ADCY7: variants seen among roughly 807,000 people sequenced by gnomAD.
ADCY7 encodes the protein adenylate cyclase 7, also known as adenylate cyclase type 7.
A neutral mutation model predicts 120.6 loss-of-function variants in ADCY7; 72 were observed. The observed-to-expected ratio is 0.60, with a 90% CI of 0.49 to 0.73. The LOEUF (loss-of-function observed/expected upper bound fraction) is 0.73. ADCY7 is among the 30% of genes least tolerant of loss of function. The pLI is 0.00. For synonymous variants in ADCY7, 661 were observed against 628.0 expected (o/e 1.05, Z -0.78); for missense variants, 1,227 against 1,486.0 (o/e 0.83, Z 2.87).
At chr16:50,302,465 T>C (rs1179625576) in intron 10 of ADCY7, among the ~76,000 whole-genome samples, 1 of 152,210 alleles carries the variant, frequency 6.6e-6, no homozygotes, top group African/African-American at 2.4e-5. Context: ...CTGGGCCGAC[T>C]TGAATTTCAG....
intron 7 of ADCY7, among the ~76,000 whole-genome samples, chr16:50,295,372 T>TC (rs1208398842): frequency 7.4e-6 from 1 of 134,928 alleles, no homozygotes; most frequent in African/African-American, 2.8e-5. Context: ...TTTTTTTTTT[T>TC]TTTGTAGCAA....
intron 1 of ADCY7, among the ~76,000 whole-genome samples, chr16:50,249,696 G>A (rs540462026): frequency 6.6e-6 from 1 of 152,344 alleles, no homozygotes; most frequent in South Asian, 2.1e-4. Context: ...GCCAGGAGGT[G>A]GGGAGGCTCC....
At chr16:50,303,097 G>T (rs937845205) in intron 10 of ADCY7, among the ~76,000 whole-genome samples, 3 of 152,134 alleles carry the variant, frequency 2.0e-5, no homozygotes, top group African/African-American at 7.2e-5. Context: ...AGGGGGCTGG[G>T]GTGTCTGGAT....
At position 50,301,126 on chromosome 16, in the gene ADCY7, C is replaced by A; in HGVS notation, c.1280C>A (p.Ala427Glu). The change falls in exon 10 of 26, where the codon GCG becomes GAG. Residue 427 changes from alanine (A) to glutamate (E), a missense_variant. Coordinates refer to ENST00000673801, the MANE Select transcript of ADCY7 (RefSeq NM_001114.5). ...TEATLKHLDK[A>E]YEVEDGHGQQ... ...GCCACGCTAAAGCACCTGGACAAGG[C>A]GTACGAGGTGGAGGATGGGCACGGG... 1 of 1,613,946 alleles carries A rather than the reference C, an allele frequency of 6.2e-7. No individual in the cohort carries two copies. Among genetic ancestry groups the A allele is most frequent in the Non-Finnish European group, 8.5e-7 (1 of 1,179,932 alleles).
intron 1 of ADCY7, among the ~76,000 whole-genome samples, chr16:50,247,258 G>A (rs1431168686): frequency 1.3e-5 from 2 of 150,674 alleles, no homozygotes; most frequent in Admixed American, 1.3e-4. Context: ...CTGTGGGGAG[G>A]GGTCAGACTC....
rs188560496 is a variant in ADCY7, at chr16:50,310,993, G to A, written c.2354+113G>A. 5.6e-4 allele frequency: 628 copies of A among 1,118,998 alleles called. 1 individual carries two copies. In the African/African-American group the frequency reaches 8.3e-3, roughly 15 times the overall value. The allele number at this position is 1,118,998 out of a possible 1,614,324, so 69.3% of individuals were successfully genotyped here. ...ATGGGGAGTGGGCACCTTGCAGGGC[G>A]GGGCTGGCAGATGGTGTCCAGCGCT... On this transcript the variant is annotated intron_variant, in intron 19 of 25. Transcript: ENST00000673801.
At chr16:50,290,321 C>A (rs970271259) in intron 2 of ADCY7, 136 bp from the exon 3 acceptor site, 1 of 894,716 alleles carries the variant, frequency 1.1e-6, no homozygotes, top group Non-Finnish European at 1.7e-6. Flanking sequence ...GAGTGGGAAC[C>A]AGGTGTGGGA....
rs1300955875 is a variant in ADCY7, at chr16:50,312,898, C to G, written c.2613C>G (p.Tyr871Ter). 2 of 1,614,126 alleles carry G rather than the reference C, an allele frequency of 1.2e-6. No homozygotes were observed. Among genetic ancestry groups the G allele is most frequent in the South Asian group, 2.2e-5 (2 of 91,080 alleles). ...FIGDKLNEDW[Y>*]HQSYDCVCVM... ...GGTTTCTTCCCATCCAGGACTGGTA[C>G]CATCAGTCCTATGACTGCGTCTGTG... The change falls in exon 22 of 26, where the codon TAC becomes TAG. Residue 871 changes from tyrosine (Y) to a stop codon, truncating the protein, a stop_gained. Transcript: ENST00000673801. LOFTEE classifies it high-confidence loss of function.
chr16:50,295,890 C>T (rs1170537613), intron 7 of ADCY7, among the ~76,000 whole-genome samples: 1 of 152,138 alleles, frequency 6.6e-6, no homozygotes, highest in East Asian at 1.9e-4. Flanking sequence ...GAGCACCTAG[C>T]CCAGCCTCAG....
intron 1 of ADCY7, among the ~76,000 whole-genome samples, chr16:50,256,896 C>T (rs1407288655): frequency 2.0e-5 from 3 of 152,038 alleles, no homozygotes; most frequent in Non-Finnish European, 1.5e-5. Context: ...CAGCATTATT[C>T]ATAATAGCCA....
chr16:50,301,331 C>T (rs1230857475), intron 10 of ADCY7, 117 bp downstream of exon 10: 2 of 1,370,750 alleles, frequency 1.5e-6, no homozygotes, highest in South Asian at 1.5e-5. Flanking sequence ...GGGGAAGGGC[C>T]CTGCCTGGGC....
At chr16:50,293,779 A>G (rs755802673) in intron 6 of ADCY7, among the ~76,000 whole-genome samples, 6 of 152,204 alleles carry the variant, frequency 3.9e-5, no homozygotes, top group Non-Finnish European at 8.8e-5. Flanking sequence ...GTGAGCAAAC[A>G]TAGCTTTTGT....
chr16:50,315,313 G>A (rs2036748796), intron 25 of ADCY7, 46 bp from the exon 26 acceptor site: 1 of 1,589,518 alleles, frequency 6.3e-7, no homozygotes, highest in East Asian at 2.3e-5. Flanking sequence ...ACCATGACAG[G>A]TGTTCTTCCC....
At position 50,301,105 on chromosome 16, in the gene ADCY7, C is replaced by A; in HGVS notation, c.1259C>A (p.Thr420Lys). The A allele has an allele frequency of 1.2e-6, 2 of 1,613,886 alleles. No homozygotes were observed. Among genetic ancestry groups the A allele is most frequent in the Non-Finnish European group, 1.7e-6 (2 of 1,179,908 alleles). The change falls in exon 10 of 26, where the codon ACG becomes AAG. Residue 420 changes from threonine (T) to lysine (K), a missense_variant. Physicochemically the swap from Thr to Lys is moderately conservative, Grantham distance 78 (BLOSUM62 -1). Around this residue, in one of 5 missense-constraint regions of ADCY7, gnomAD observed 332 missense variants for 455.8 expected, o/e 0.73. Coordinates refer to ENST00000673801, the MANE Select transcript of ADCY7 (RefSeq NM_001114.5). ...VPGRVHITEA[T>K]LKHLDKAYEV... ...AGCCGGGTGCACATCACGGAGGCCACGCTAAAGCACCTGGACAAGGCGTAC... is the reference window on the plus strand; with the variant it reads ...AGCCGGGTGCACATCACGGAGGCCAAGCTAAAGCACCTGGACAAGGCGTAC...
chr16:50,309,271 T>G, intron 17 of ADCY7: 1 of 443,462 alleles, frequency 2.3e-6, no homozygotes, highest in Non-Finnish European at 4.0e-6. Flanking sequence ...TCCCTCAGGG[T>G]CACCTGGGGA....
chr16:50,280,943 GGGAACAAAGTCA>G (rs2034219852), intron 1 of ADCY7, among the ~76,000 whole-genome samples: 1 of 152,204 alleles, frequency 6.6e-6, no homozygotes, highest in African/African-American at 2.4e-5. Flanking sequence ...CCCTGGGAGT[GGGAACAAAGTCA>G]GCCTGGGGGT....
upstream of ADCY7, among the ~76,000 whole-genome samples, chr16:50,264,793 A>G (rs2033148943): frequency 2.1e-5 from 3 of 145,488 alleles, no homozygotes; most frequent in Admixed American, 6.8e-5. Flanking sequence ...TCATCTTTTA[A>G]TTGGGCCATT....
intron 1 of ADCY7, among the ~76,000 whole-genome samples, chr16:50,286,316 C>T (rs1435532695): frequency 1.3e-5 from 2 of 148,844 alleles, no homozygotes; most frequent in Non-Finnish European, 3.0e-5. Context: ...GAGGTCCCAG[C>T]TACGCAGGAG....
At chr16:50,254,594 T>C (rs1268007767) in intron 1 of ADCY7, among the ~76,000 whole-genome samples, 1 of 152,156 alleles carries the variant, frequency 6.6e-6, no homozygotes, top group Non-Finnish European at 1.5e-5. Context: ...TATGCTGAAA[T>C]CTATAAAACA....
Sources: gnomAD v4.1 joint callset for allele counts (sites outside exome capture counted in the v4.1 genomes callset) on GRCh38, gnomAD v4.1.1 for gene constraint, gnomAD v4.1.1 regional missense constraint, MANE v1.5 for transcripts, NCBI Gene and HGNC (gene_info 2026-07-23, HGNC 2026-07-21) for gene names.